The following PDE1C variants were observed in gnomAD, a reference collection of about 807,000 sequenced individuals.
PDE1C encodes phosphodiesterase 1C, also known as dual specificity calcium/calmodulin-dependent 3',5'-cyclic nucleotide phosphodiesterase 1C.
In PDE1C, 62 loss-of-function variants were observed where a neutral mutation model predicts 93.1. The observed-to-expected ratio is 0.67, with a 90% CI of 0.54 to 0.82. The LOEUF (loss-of-function observed/expected upper bound fraction) is 0.82. Among genes scored for constraint, PDE1C ranks in the 40% least tolerant of loss-of-function variants. The pLI is 0.00. For synonymous variants in PDE1C, 325 were observed against 310.1 expected (o/e 1.05, Z -0.50); for missense variants, 742 against 884.6 (o/e 0.84, Z 2.04).
chr7:32,254,261 G>A (rs1157309135), intron 1 of PDE1C, among the ~76,000 whole-genome samples: 3 of 152,162 alleles, frequency 2.0e-5, no homozygotes, highest in Non-Finnish European at 4.4e-5. Flanking sequence ...AGACTCTGAG[G>A]GAGCTGGAGG....
intron 1 of PDE1C, among the ~76,000 whole-genome samples, chr7:32,285,078 G>A (rs1241598919): frequency 1.3e-5 from 2 of 151,952 alleles, no homozygotes; most frequent in African/African-American, 4.8e-5. Flanking sequence ...GCACTTGCCA[G>A]GTCCAACCCA....
chr7:31,896,174 T>C (rs1206659473), intron 2 of PDE1C, among the ~76,000 whole-genome samples: 2 of 152,210 alleles, frequency 1.3e-5, no homozygotes, highest in Non-Finnish European at 1.5e-5. Context: ...AACTCCTTAG[T>C]GGCAGGCAGG....
intron 1 of PDE1C, among the ~76,000 whole-genome samples, chr7:32,220,878 C>T (rs1806807054): frequency 6.6e-6 from 1 of 152,120 alleles, no homozygotes. Context: ...GCATGGATCC[C>T]CTACAACATC....
chr7:31,986,623 T>TG (rs1783425093), intron 2 of PDE1C, among the ~76,000 whole-genome samples: 1 of 151,940 alleles, frequency 6.6e-6, no homozygotes, highest in Non-Finnish European at 1.5e-5. Flanking sequence ...GAGAAGGCCA[T>TG]GTGAAGCAGG....
intron 3 of PDE1C, among the ~76,000 whole-genome samples, chr7:32,133,228 C>G (rs1800019138): frequency 6.6e-6 from 1 of 152,078 alleles, no homozygotes; most frequent in Non-Finnish European, 1.5e-5. Context: ...TACAGAAGAG[C>G]ATGTCTAACA....
intron 7 of PDE1C, among the ~76,000 whole-genome samples, chr7:31,858,810 A>T (rs1330250304): frequency 6.6e-6 from 1 of 152,056 alleles, no homozygotes; most frequent in African/African-American, 2.4e-5. Flanking sequence ...AGAAATTCAA[A>T]CATTTTCTCA....
At chr7:31,759,892 TTCTC>T (rs563115113) in intron 17 of PDE1C, among the ~76,000 whole-genome samples, 143 of 151,824 alleles carry the variant, frequency 9.4e-4, no homozygotes, top group African/African-American at 3.3e-3. Flanking sequence ...TCTCTCTCCA[TTCTC>T]TCTTTCTCTC....
At position 31,848,067 on chromosome 7, in the gene PDE1C, C is replaced by T; in HGVS notation, c.881G>A (p.Arg294Lys). Reference protein sequence around the residue: ...RSDPAILYNDRSVLENHHLSA... With the variant: ...RSDPAILYNDKSVLENHHLSA... Reference sequence around the variant, plus strand: ...TAAATGGTGATTCTCCAGTACAGATCTGTCATTATACAGAATAGCTGGATC... The same window carrying T: ...TAAATGGTGATTCTCCAGTACAGATTTGTCATTATACAGAATAGCTGGATC... The change falls in exon 9 of 18, where the codon AGA (arginine) becomes AAA (lysine). Residue 294 changes from arginine (R) to lysine (K), a missense_variant. By Grantham distance (26) the Arg-to-Lys change is conservative. Around this residue, in one of 4 missense-constraint regions of PDE1C, gnomAD observed 205 missense variants for 295.3 expected, o/e 0.69. Transcript: ENST00000396191. The T allele has an allele frequency of 1.2e-6, 2 of 1,613,050 alleles. No individual in the cohort carries two copies. The highest frequency in any genetic ancestry group is 1.7e-6 in the Non-Finnish European group (2 of 1,179,422).
chr7:32,028,179 A>G (rs1789750592), intron 2 of PDE1C, among the ~76,000 whole-genome samples: 2 of 152,168 alleles, frequency 1.3e-5, no homozygotes, highest in South Asian at 4.1e-4. Flanking sequence ...TAATAGACTC[A>G]ATTATTTATC....
At chr7:32,199,003 G>C (rs1050638830) in intron 2 of PDE1C, among the ~76,000 whole-genome samples, 8 of 151,892 alleles carry the variant, frequency 5.3e-5, no homozygotes, top group Admixed American at 2.0e-4. Context: ...CATGCCTGTA[G>C]TCCCAGCTAC....
At chr7:31,841,023 A>G (rs1396752646) in intron 9 of PDE1C, among the ~76,000 whole-genome samples, 1 of 152,134 alleles carries the variant, frequency 6.6e-6, no homozygotes, top group Non-Finnish European at 1.5e-5. Flanking sequence ...GTTCCACTAC[A>G]TGATGACAGT....
chr7:31,621,290 C>T, the PDE1C span, among the ~76,000 whole-genome samples: 1 of 84,300 alleles, frequency 1.2e-5, no homozygotes, highest in Non-Finnish European at 2.4e-5. Context: ...AGAGCAACTC[C>T]AAGACACATA....
chr7:32,272,869 A>G (rs563619321), intron 1 of PDE1C, among the ~76,000 whole-genome samples: 19 of 152,370 alleles, frequency 1.2e-4, no homozygotes, highest in Admixed American at 4.6e-4. Flanking sequence ...AGCTATTCTT[A>G]TTGTGTATAA....
chr7:31,811,752 C>T (rs1787580062), intron 15 of PDE1C, among the ~76,000 whole-genome samples: 1 of 152,052 alleles, frequency 6.6e-6, no homozygotes, highest in Admixed American at 6.6e-5. Flanking sequence ...GGTTGCTAAC[C>T]AGCAGCCCAT....
At chr7:32,225,021 T>TAAAAAA (rs1397317062) in intron 1 of PDE1C, among the ~76,000 whole-genome samples, 8 of 79,870 alleles carry the variant, frequency 1.0e-4, no homozygotes, top group Non-Finnish European at 2.7e-4. Flanking sequence ...CCTTTCTTAT[T>TAAAAAA]TAAAAAAAAA....
At chr7:31,932,005 G>T (rs1487535361) in intron 2 of PDE1C, among the ~76,000 whole-genome samples, 1 of 152,150 alleles carries the variant, frequency 6.6e-6, no homozygotes, top group African/African-American at 2.4e-5. Context: ...GGGCAAACTG[G>T]CTAGTCATAT....
intron 1 of PDE1C, among the ~76,000 whole-genome samples, chr7:32,338,114 A>G (rs1783666829): frequency 2.0e-5 from 3 of 152,206 alleles, no homozygotes; most frequent in Non-Finnish European, 1.5e-5. Context: ...AAAAATGGAC[A>G]AATTGGACTT....
intron 2 of PDE1C, among the ~76,000 whole-genome samples, chr7:32,208,840 T>C (rs1234952584): frequency 1.3e-5 from 2 of 152,160 alleles, no homozygotes; most frequent in East Asian, 1.9e-4. Flanking sequence ...GATCAAGACC[T>C]GGAGACAAAG....
chr7:31,862,484 ATT>A (rs1350969110), intron 7 of PDE1C, among the ~76,000 whole-genome samples: 1 of 152,194 alleles, frequency 6.6e-6, no homozygotes, highest in African/African-American at 2.4e-5. Flanking sequence ...ACAGAAATTT[ATT>A]TCTCACAGTT....
Sources: allele counts gnomAD v4.1 joint callset (sites outside exome capture counted in the v4.1 genomes callset), GRCh38; gene constraint gnomAD v4.1.1; regional missense constraint gnomAD v4.1.1; transcripts MANE v1.5; gene names NCBI Gene and HGNC (gene_info 2026-07-23, HGNC 2026-07-21).